Variants in PDE6A observed in about 807,000 individuals in gnomAD.
The protein encoded by PDE6A is rod cGMP-specific 3',5'-cyclic phosphodiesterase subunit alpha.
PDE6A carries 84 observed loss-of-function variants against 106.3 expected under a neutral mutation model. That is an observed-to-expected ratio of 0.79 (90% CI 0.66 to 0.95). PDE6A has a LOEUF of 0.95. Ranked by LOEUF, PDE6A falls within the 40% of genes least tolerant of loss-of-function variation. The pLI is 0.00. For missense variants in PDE6A, 1,052 were observed against 1,084.9 expected, an observed-to-expected ratio of 0.97 and a Z score of 0.43; for synonymous variants, 394 against 386.6, an observed-to-expected ratio of 1.02 and a Z score of -0.23.
intron 5 of PDE6A, among the ~76,000 whole-genome samples, chr5:149,915,693 G>C (rs549228202): frequency 6.6e-6 from 1 of 152,246 alleles, no homozygotes; most frequent in East Asian, 1.9e-4. Context: ...ACACAAGTTG[G>C]GACATTTTTG....
chr5:149,932,171 A>T (rs1408803106), intron 3 of PDE6A: 1 of 1,232,902 alleles, frequency 8.1e-7, no homozygotes, highest in Non-Finnish European at 1.2e-6. Context: ...CATCTACAAC[A>T]GTCAGGTCAT....
At chr5:149,872,836 T>G (rs1242311384) in intron 17 of PDE6A, among the ~76,000 whole-genome samples, 1 of 152,192 alleles carries the variant, frequency 6.6e-6, no homozygotes, top group African/African-American at 2.4e-5. Context: ...CTTTCCTCAC[T>G]TGTAAAACAC....
At chr5:149,941,301 G>A (rs1244344631) in intron 1 of PDE6A, among the ~76,000 whole-genome samples, 2 of 152,178 alleles carry the variant, frequency 1.3e-5, no homozygotes, top group African/African-American at 4.8e-5. Flanking sequence ...GGCTATAACA[G>A]GGAGATTAGA....
rs374914136 is a variant in PDE6A at position 149,883,397 on chromosome 5, G to C, written c.2135+32C>G. The C allele has an allele frequency of 2.9e-6, 4 of 1,376,298 alleles. No homozygotes were observed. In the African/African-American group the frequency reaches 5.7e-5, roughly 20 times the overall value. The allele number at this position is 1,376,298 out of a possible 1,614,324, so 85.3% of individuals were successfully genotyped here. A position where few individuals can be genotyped will look rare whatever the true frequency, so the allele number is the denominator to read the frequency against. ...TCTCGCCTCATGATCCTAAGCCTAA[G>C]AGGATCAGGTTTTAACCCCATCCCA... On this transcript the variant is annotated intron_variant, in intron 17 of 21. Coordinates refer to ENST00000255266, the MANE Select transcript of PDE6A (RefSeq NM_000440.3).
chr5:149,866,791 A>T (rs977504940), intron 19 of PDE6A: 1 of 155,056 alleles, frequency 6.4e-6, no homozygotes, highest in Non-Finnish European at 1.4e-5. Context: ...GGAAGAGATT[A>T]TAGTGGCTGA....
chr5:149,915,409 T>C (rs138596246), intron 5 of PDE6A, among the ~76,000 whole-genome samples: 4 of 152,344 alleles, frequency 2.6e-5, no homozygotes, highest in Non-Finnish European at 4.4e-5. Flanking sequence ...GTTTTTGTTG[T>C]TTTAATAAAT....
chr5:149,883,285 G>C, intron 17 of PDE6A, 144 bp downstream of exon 17: 2 of 678,598 alleles, frequency 2.9e-6, no homozygotes, highest in Non-Finnish European at 2.7e-6. Context: ...TTGGAATTTG[G>C]CATAACTTCA....
chr5:149,923,242 A>G (rs1295059427), intron 4 of PDE6A, among the ~76,000 whole-genome samples: 8 of 152,126 alleles, frequency 5.3e-5, no homozygotes, highest in Admixed American at 1.3e-4. Flanking sequence ...TCACACCTAT[A>G]ATCCCAGCCA....
At chr5:149,884,638 A>C (rs1581166702) in intron 15 of PDE6A, 59 bp from the exon 16 acceptor site, 1 of 1,480,906 alleles carries the variant, frequency 6.8e-7, no homozygotes. Context: ...AAAGTCACCC[A>C]CCTACCAATG....
Position 149,884,475 on chromosome 5 carries a change from CA to C in PDE6A, c.2027+3del. 6.3e-7 allele frequency: 1 copy of C among 1,593,606 alleles called. No homozygotes were observed. The highest frequency in any genetic ancestry group is 2.2e-5 in the East Asian group (1 of 44,748). ...TTACTATTAGAATGAGAAGATATACCAACTTGAAATACAGGGCGAGGTCTGT... is the reference window on the plus strand; with the variant it reads ...TTACTATTAGAATGAGAAGATATACCACTTGAAATACAGGGCGAGGTCTGT... On this transcript the variant is annotated splice_donor_region_variant and intron_variant, in intron 16 of 21. Coordinates refer to ENST00000255266, the MANE Select transcript of PDE6A (RefSeq NM_000440.3).
In PDE6A at chr5:149,859,593, T is replaced by C. The variant is rs1484051493; in HGVS notation, c.*1302A>G. The C allele has an allele frequency of 6.6e-6, 1 of 152,282 alleles. No individual in the cohort carries two copies. Among genetic ancestry groups the C allele is most frequent in the East Asian group, 1.9e-4 (1 of 5,186 alleles). The allele number at this position is 152,282 out of a possible 1,614,324, so 9.4% of individuals were successfully genotyped here. On this transcript the variant is annotated 3_prime_UTR_variant, in exon 22 of 22. Coordinates refer to ENST00000255266, the MANE Select transcript of PDE6A (RefSeq NM_000440.3). ...GGAACAGCCCTGCACAGTTATCCCA[T>C]GCTCAGCCAAGATGGCCAGGCCTCT...
intron 13 of PDE6A, among the ~76,000 whole-genome samples, chr5:149,891,959 T>A (rs1322431997): frequency 6.6e-6 from 1 of 152,210 alleles, no homozygotes; most frequent in Non-Finnish European, 1.5e-5. Context: ...TTTTCTGGTT[T>A]TATAGAACCG....
chr5:149,929,029 C>T (rs1753949532), intron 4 of PDE6A, among the ~76,000 whole-genome samples: 1 of 152,062 alleles, frequency 6.6e-6, no homozygotes, highest in African/African-American at 2.4e-5. Context: ...TGATACATTG[C>T]TGGTGAGGGT....
rs143420695 is a variant in PDE6A at position 149,871,229 on chromosome 5, A to G, written c.2136-3071T>C. ...ATGGGCTTCATCACCATAGAAGAAC[A>G]CACAGGGAAAGTGGTCTCTGCTGGC... On this transcript the variant is annotated intron_variant, in intron 17 of 21. Coordinates refer to ENST00000255266, the MANE Select transcript of PDE6A (RefSeq NM_000440.3). Among the ~76,000 whole-genome samples, 500 of 152,324 alleles carry G rather than the reference A, an allele frequency of 3.3e-3. 4 individuals carry two copies. Among genetic ancestry groups the G allele is most frequent in the Non-Finnish European group, 4.4e-3 (302 of 68,026 alleles).
At position 149,863,339 on chromosome 5, in the gene PDE6A, T is replaced by A. The variant is rs1760212550; in HGVS notation, c.2359-73A>T. 4.0e-6 allele frequency: 6 copies of A among 1,496,264 alleles called. No individual in the cohort carries two copies. The highest frequency in any genetic ancestry group is 5.6e-6 in the Non-Finnish European group (6 of 1,076,716). 92.7% of individuals were successfully genotyped at this position (1,496,264 alleles called of 1,614,324 possible). On this transcript the variant is annotated intron_variant, in intron 20 of 21. Transcript: ENST00000255266. This position sits in a 1 kb window ranked among gnomAD's most constrained non-coding sequence, Gnocchi z 4.7. ...TCTGGGCTCAAGCGGGTGGCACAGC[T>A]GGAAACGTCCAACACTGGAATGAGC...
Position 149,867,754 on chromosome 5 carries a change from C to A in PDE6A, c.2245G>T (p.Glu749Ter). The A allele has an allele frequency of 6.2e-7, 1 of 1,613,908 alleles. No homozygotes were observed. The highest frequency in any genetic ancestry group is 8.5e-7 in the Non-Finnish European group (1 of 1,179,998). ...GGATTCTGTTGCAGCACCGTGCGCT[C>A]CAGGTCACCTTGTTCCCAGAATTCA... ...AAEFWEQGDL[E>*]RTVLQQNPIP... Residue 749 changes from glutamate (E) to a stop codon, truncating the protein, a stop_gained, in exon 19 of 22, where the codon GAG (glutamate) becomes TAG (stop). Transcript: ENST00000255266. LOFTEE classifies it high-confidence loss of function.
At chr5:149,869,803 G>A (rs1760469418) in intron 17 of PDE6A, among the ~76,000 whole-genome samples, 1 of 152,202 alleles carries the variant, frequency 6.6e-6, no homozygotes, top group Non-Finnish European at 1.5e-5. Flanking sequence ...TGCAGCAACG[G>A]CTGGCTGCGG....
At chr5:149,865,236 T>A (rs1328750662) in intron 20 of PDE6A, among the ~76,000 whole-genome samples, 1 of 102,506 alleles carries the variant, frequency 9.8e-6, no homozygotes, top group Non-Finnish European at 1.9e-5. Flanking sequence ...TGAGATTCTG[T>A]CTCAAAAAAA....
intron 13 of PDE6A, among the ~76,000 whole-genome samples, chr5:149,892,974 G>A (rs978755623): frequency 2.6e-5 from 4 of 152,190 alleles, no homozygotes; most frequent in African/African-American, 4.8e-5. Flanking sequence ...GGCCCCATAC[G>A]AAATAGTTAC....
Sources: gnomAD v4.1 joint callset for allele counts (sites outside exome capture counted in the v4.1 genomes callset) on GRCh38, gnomAD v4.1.1 for gene constraint, Gnocchi (gnomAD v3.1) non-coding constraint, MANE v1.5 for transcripts, NCBI Gene and HGNC (gene_info 2026-07-23, HGNC 2026-07-21) for gene names.